NCKAP5: variants seen among roughly 807,000 people sequenced by gnomAD.
NCKAP5 encodes the protein NCK associated protein 5.
A neutral mutation model predicts 167.0 loss-of-function variants in NCKAP5; 92 were observed. That is an observed-to-expected ratio of 0.55 (90% CI 0.47 to 0.66). The LOEUF (loss-of-function observed/expected upper bound fraction) is 0.66. Ranked by LOEUF, NCKAP5 falls within the 30% of genes least tolerant of loss-of-function variation. The probability of loss-of-function intolerance (pLI) is 0.00; values close to 1 mark genes in which losing one functional copy is unlikely to be tolerated. For synonymous variants in NCKAP5, 891 were observed against 877.4 expected, an observed-to-expected ratio of 1.02 and a Z score of -0.27; for missense variants, 2,378 against 2,315.0, an observed-to-expected ratio of 1.03 and a Z score of -0.56.
the NCKAP5 span, among the ~76,000 whole-genome samples, chr2:133,600,419 G>A: frequency 2.6e-5 from 4 of 152,158 alleles, no homozygotes; most frequent in South Asian, 2.1e-4. Flanking sequence ...CAGTCCTGGC[G>A]CACACTGCAG....
At chr2:133,571,550 C>G (rs1280925985), upstream of NCKAP5, among the ~76,000 whole-genome samples, 2 of 152,184 alleles carry the variant, frequency 1.3e-5, no homozygotes, top group Non-Finnish European at 2.9e-5. Flanking sequence ...GACACTGTAA[C>G]AGGCACATAT....
chr2:133,185,024 A>C (rs2084885888), intron 5 of NCKAP5, among the ~76,000 whole-genome samples: 1 of 152,050 alleles, frequency 6.6e-6, no homozygotes, highest in Admixed American at 6.6e-5. Context: ...CTTCATCTTA[A>C]ATTCATTGCC....
chr2:133,453,706 G>A (rs1456434840), intron 3 of NCKAP5, among the ~76,000 whole-genome samples: 4 of 152,006 alleles, frequency 2.6e-5, no homozygotes, highest in South Asian at 2.1e-4. Flanking sequence ...TATATCCAAC[G>A]TGCTCTCTAA....
At chr2:133,172,197 C>T (rs917953793) in intron 5 of NCKAP5, among the ~76,000 whole-genome samples, 1 of 152,056 alleles carries the variant, frequency 6.6e-6, no homozygotes, top group South Asian at 2.1e-4. Context: ...GCAAAGCAAA[C>T]AAAAGTATAT....
At chr2:133,537,941 A>G (rs955243267) in intron 2 of NCKAP5, among the ~76,000 whole-genome samples, 4 of 152,202 alleles carry the variant, frequency 2.6e-5, no homozygotes, top group African/African-American at 9.6e-5. Flanking sequence ...CAATGCATGC[A>G]ACTCCATCAA....
chr2:133,447,405 TTTCC>T (rs774184332), intron 3 of NCKAP5, among the ~76,000 whole-genome samples: 1 of 151,880 alleles, frequency 6.6e-6, no homozygotes, highest in Non-Finnish European at 1.5e-5. Flanking sequence ...TCTCCGTCTT[TTTCC>T]TTCCTTCCTT....
chr2:133,023,684 G>A (rs891846966), intron 6 of NCKAP5, among the ~76,000 whole-genome samples: 1 of 152,118 alleles, frequency 6.6e-6, no homozygotes, highest in African/African-American at 2.4e-5. Context: ...CTACTTGTAA[G>A]TGAGAATATG....
intron 3 of NCKAP5, among the ~76,000 whole-genome samples, chr2:133,465,378 T>C (rs1449114856): frequency 6.6e-6 from 1 of 151,982 alleles, no homozygotes. Context: ...ATGGTGTATA[T>C]GTGCCACATT....
intron 19 of NCKAP5, among the ~76,000 whole-genome samples, chr2:132,721,624 T>A (rs1689941008): frequency 6.6e-6 from 1 of 152,252 alleles, no homozygotes; most frequent in Non-Finnish European, 1.5e-5. Flanking sequence ...TTTCTTTTTA[T>A]ACAACCTTTG....
intron 4 of NCKAP5, among the ~76,000 whole-genome samples, chr2:133,250,363 C>A (rs992013365): frequency 1.2e-4 from 18 of 152,118 alleles, no homozygotes; most frequent in African/African-American, 3.9e-4. Context: ...GACAGCTCAG[C>A]CCTCTGCCTC....
At chr2:132,882,041 T>C (rs1433544696) in intron 8 of NCKAP5, among the ~76,000 whole-genome samples, 1 of 152,230 alleles carries the variant, frequency 6.6e-6, no homozygotes, top group Non-Finnish European at 1.5e-5. Flanking sequence ...TCAATTCTGA[T>C]AATTTTGATG....
the NCKAP5 span, among the ~76,000 whole-genome samples, chr2:133,606,272 A>C: frequency 1.3e-5 from 2 of 152,230 alleles, no homozygotes; most frequent in Non-Finnish European, 2.9e-5. Flanking sequence ...TCAGGAATTC[A>C]TAAGAATAAG....
At chr2:133,516,190 G>A (rs2151435881) in intron 3 of NCKAP5, among the ~76,000 whole-genome samples, 1 of 152,280 alleles carries the variant, frequency 6.6e-6, no homozygotes, top group South Asian at 2.1e-4. Flanking sequence ...CTGCAAAGGA[G>A]AGGCTGAGAA....
chr2:133,473,060 G>A (rs970151748), intron 3 of NCKAP5, among the ~76,000 whole-genome samples: 9 of 152,208 alleles, frequency 5.9e-5, no homozygotes, highest in African/African-American at 1.2e-4. Flanking sequence ...AGGGCCGGGC[G>A]CGATGGCTCA....
intron 19 of NCKAP5, among the ~76,000 whole-genome samples, chr2:132,719,103 T>C (rs1689660015): frequency 6.6e-6 from 1 of 152,044 alleles, no homozygotes; most frequent in Admixed American, 6.5e-5. Context: ...CCAGACCATA[T>C]AAGCAAAAGC....
In NCKAP5 at chr2:133,400,539, TAGAC is replaced by T. The variant is rs1295914145; in HGVS notation, c.70-97433_70-97430del. ...TGGGGATGGAGGCAGCGACTGGAGT[TAGAC>T]AGCCTCAAGTCAAGGAATGTATGAG... On this transcript the variant is annotated intron_variant, in intron 3 of 19. Coordinates refer to ENST00000409261, the MANE Select transcript of NCKAP5 (RefSeq NM_207363.3). Among the ~76,000 whole-genome samples the T allele has an allele frequency of 5.9e-5, 9 of 152,176 alleles. No homozygotes were observed. In the South Asian group the frequency reaches 1.2e-3, roughly 21 times the overall value.
intron 10 of NCKAP5, among the ~76,000 whole-genome samples, chr2:132,865,177 C>T (rs1181435052): frequency 6.6e-6 from 1 of 152,080 alleles, no homozygotes; most frequent in Non-Finnish European, 1.5e-5. Flanking sequence ...CAGACTGATC[C>T]AGGGCTTCAA....
chr2:132,709,629 G>C (rs544798533), intron 19 of NCKAP5, among the ~76,000 whole-genome samples: 1 of 152,172 alleles, frequency 6.6e-6, no homozygotes, highest in Non-Finnish European at 1.5e-5. Flanking sequence ...TATCAGAATT[G>C]ATAGTGCAAT....
intron 6 of NCKAP5, among the ~76,000 whole-genome samples, chr2:133,112,753 G>C (rs562603681): frequency 7.4e-4 from 112 of 152,302 alleles, no homozygotes; most frequent in Middle Eastern, 3.4e-3. Context: ...CAGCCATTTG[G>C]TTTAATATAC....
Sources: allele counts gnomAD v4.1 joint callset (sites outside exome capture counted in the v4.1 genomes callset), GRCh38; gene constraint gnomAD v4.1.1; transcripts MANE v1.5; gene names NCBI Gene and HGNC (gene_info 2026-07-23, HGNC 2026-07-21).